The following TMEM164 variants were observed in gnomAD, a reference collection of about 807,000 sequenced individuals.
TMEM164 encodes the protein transmembrane protein 164, also known as RP13-360B22.2.
Under a neutral mutation model 18.8 loss-of-function variants are expected in TMEM164, and 4 were observed. The ratio of observed to expected loss-of-function variants is 0.21; its 90% confidence interval spans 0.10 to 0.49. The LOEUF is 0.49. Among genes scored for constraint, TMEM164 ranks in the 20% least tolerant of loss-of-function variants. The pLI is 0.98. For synonymous variants in TMEM164, 86 were observed against 101.7 expected (o/e 0.85, Z 0.93); for missense variants, 108 against 239.9 (o/e 0.45, Z 3.63).
chrX:110,120,202 C>G (rs1486091787), intron 4 of TMEM164, among the ~76,000 whole-genome samples: 1 of 112,439 alleles, frequency 8.9e-6, no homozygotes, highest in Non-Finnish European at 1.9e-5. Flanking sequence ...GCCTCCAGAG[C>G]TTACTAGTTT....
At chrX:110,089,378 G>A (rs1167724429) in intron 3 of TMEM164, among the ~76,000 whole-genome samples, 2 of 111,088 alleles carry the variant, frequency 1.8e-5, no homozygotes, top group East Asian at 2.8e-4. Flanking sequence ...TGTATTTTTA[G>A]TAGAGACAGG....
At chrX:110,070,242 G>A (rs764038366) in intron 3 of TMEM164, among the ~76,000 whole-genome samples, 2 of 111,675 alleles carry the variant, frequency 1.8e-5, no homozygotes, top group African/African-American at 6.5e-5. Context: ...CTTGAACCCA[G>A]GAGGCGGATG....
intron 2 of TMEM164, among the ~76,000 whole-genome samples, chrX:110,060,002 C>G (rs933899402): frequency 1.3e-3 from 145 of 111,514 alleles, no homozygotes; most frequent in African/African-American, 4.6e-3. Flanking sequence ...GTGGCTCACA[C>G]TAGTAATCTT....
chrX:110,171,528 T>G lies in TMEM164; in HGVS notation c.687+8T>G. 8.5e-7 allele frequency: 1 copy of G among 1,171,767 alleles called. No homozygotes were observed. Among genetic ancestry groups the G allele is most frequent in the South Asian group, 1.8e-5 (1 of 56,068 alleles). ...TTGCAGATCCTCGGCCTGGTAAGTT[T>G]GGTTATATCCCCTTCTATCCCCTCT... On this transcript the variant is annotated splice_region_variant and intron_variant, in intron 6 of 6. Coordinates refer to ENST00000372068, the MANE Select transcript of TMEM164 (RefSeq NM_032227.4).
chrX:110,134,955 C>T (rs971380213), intron 4 of TMEM164, among the ~76,000 whole-genome samples: 33 of 111,375 alleles, frequency 3.0e-4, no homozygotes, highest in African/African-American at 1.1e-3. Context: ...TCCTACTCCC[C>T]AGAGAGAATT....
chrX:110,020,968 TAA>T (rs147367236), intron 2 of TMEM164, among the ~76,000 whole-genome samples: 3,174 of 43,594 alleles, frequency 0.073, 211 homozygotes, highest in African/African-American at 0.24. Context: ...CCCCTTTTTC[TAA>T]AAAAAAAAAA....
intron 2 of TMEM164, among the ~76,000 whole-genome samples, chrX:110,034,360 G>A (rs906882992): frequency 8.9e-6 from 1 of 112,282 alleles, no homozygotes. Flanking sequence ...CAAAAGCAAT[G>A]CATACTCATT....
intron 5 of TMEM164, among the ~76,000 whole-genome samples, chrX:110,145,915 GC>G (rs2066847815): frequency 8.9e-6 from 1 of 112,261 alleles, no homozygotes; most frequent in South Asian, 3.7e-4. Context: ...TGCCTCCTAT[GC>G]CTTGATTTCT....
At chrX:110,128,260 T>G (rs2066562905) in intron 4 of TMEM164, among the ~76,000 whole-genome samples, 3 of 111,713 alleles carry the variant, frequency 2.7e-5, no homozygotes, top group African/African-American at 9.8e-5. Context: ...CTTCAACATT[T>G]CAGCATACAC....
At position 110,055,287 on chromosome X, in the gene TMEM164, C is replaced by T. The variant is rs746065774; in HGVS notation, c.391-12060C>T. ...TTCTCTCATTGAGTGTTCTTTTTGG[C>T]TTTGTTCTCAAACACTAGGAATGTT... On this transcript the variant is annotated intron_variant, in intron 2 of 6. Coordinates refer to ENST00000372068, the MANE Select transcript of TMEM164 (RefSeq NM_032227.4). 3 of 382,605 alleles carry T rather than the reference C, an allele frequency of 7.8e-6. No homozygotes were observed. In the East Asian group the frequency reaches 2.3e-4, roughly 29 times the overall value. 31.5% of individuals were successfully genotyped at this position (382,605 alleles called of 1,213,427 possible).
intron 4 of TMEM164, among the ~76,000 whole-genome samples, chrX:110,119,170 T>A (rs930442883): frequency 1.8e-4 from 20 of 112,438 alleles, no homozygotes; most frequent in African/African-American, 6.5e-4. Context: ...GTATAAATTT[T>A]AAAAAAATCA....
chrX:110,167,328 T>C (rs1338018593), intron 5 of TMEM164, among the ~76,000 whole-genome samples: 1 of 112,556 alleles, frequency 8.9e-6, no homozygotes, highest in Non-Finnish European at 1.9e-5. Flanking sequence ...GGCAGAGCCA[T>C]GATTCAAACC....
At chrX:110,003,017 A>G (rs1199004981), upstream of TMEM164, 1 of 77,294 alleles carries the variant, frequency 1.3e-5, no homozygotes, top group East Asian at 4.2e-4. Context: ...GCGGGCGTCT[A>G]GGGCCGGAGG....
chrX:110,011,521 T>G (rs1401369180), intron 2 of TMEM164, among the ~76,000 whole-genome samples: 1 of 111,921 alleles, frequency 8.9e-6, no homozygotes, highest in African/African-American at 3.2e-5. Context: ...AGGAAAGCAA[T>G]TCTAGGCATA....
chrX:110,028,504 T>C (rs1331241186), intron 2 of TMEM164, among the ~76,000 whole-genome samples: 1 of 112,637 alleles, frequency 8.9e-6, no homozygotes, highest in African/African-American at 3.2e-5. Context: ...TAATTTTTGC[T>C]ACCTACTGTT....
At chrX:110,020,170 G>A (rs923198792) in intron 2 of TMEM164, among the ~76,000 whole-genome samples, 30 of 111,852 alleles carry the variant, frequency 2.7e-4, no homozygotes, top group Non-Finnish European at 4.7e-4. Flanking sequence ...TAGATTGTAT[G>A]TTCCCAAATG....
chrX:110,048,436 C>T (rs778838283), intron 2 of TMEM164, among the ~76,000 whole-genome samples: 16 of 112,127 alleles, frequency 1.4e-4, no homozygotes, highest in African/African-American at 5.2e-4. Flanking sequence ...GTATGCCCAG[C>T]ACTTAGCATA....
intron 3 of TMEM164, among the ~76,000 whole-genome samples, chrX:110,088,544 C>T (rs1322837916): frequency 1.8e-5 from 2 of 111,976 alleles, no homozygotes; most frequent in South Asian, 3.7e-4. Flanking sequence ...AAGTAAAGAG[C>T]GATTCAGGGA....
At chrX:110,159,862 C>T (rs190244550) in intron 5 of TMEM164, among the ~76,000 whole-genome samples, 1 of 111,735 alleles carries the variant, frequency 8.9e-6, no homozygotes, top group East Asian at 2.8e-4. Flanking sequence ...CCTCAGTGGA[C>T]AGCCAGGGTT....
Sources: allele counts gnomAD v4.1 joint callset (sites outside exome capture counted in the v4.1 genomes callset), GRCh38; gene constraint gnomAD v4.1.1; transcripts MANE v1.5; gene names NCBI Gene and HGNC (gene_info 2026-07-23, HGNC 2026-07-21).